BTBD7: variants seen among roughly 807,000 people sequenced by gnomAD.
BTBD7 encodes BTB domain containing 7.
BTBD7 carries 38 observed loss-of-function variants against 99.9 expected under a neutral mutation model. The observed-to-expected ratio is 0.38, with a 90% CI of 0.29 to 0.50. The LOEUF (loss-of-function observed/expected upper bound fraction) is 0.50, where lower values mean the gene tolerates loss of function less well. Ranked by LOEUF, BTBD7 falls within the 20% of genes least tolerant of loss-of-function variation. The pLI is 0.93. For missense variants in BTBD7, 1,170 were observed against 1,394.6 expected, an observed-to-expected ratio of 0.84 and a Z score of 2.57; for synonymous variants, 520 against 511.4, an observed-to-expected ratio of 1.02 and a Z score of -0.23.
intron 8 of BTBD7, among the ~76,000 whole-genome samples, chr14:93,249,620 T>G (rs1220855228): frequency 1.3e-5 from 2 of 152,244 alleles, no homozygotes. Context: ...TTTATTGGAA[T>G]GTAACTGTAC....
At position 93,246,438 on chromosome 14, in the gene BTBD7, A is replaced by G. The variant is rs1407015164; in HGVS notation, c.2122-152T>C. On this transcript the variant is annotated intron_variant, in intron 9 of 10. Transcript: ENST00000334746. ...TATATTTTTCTAGGCCAGAAGCCCA[A>G]GAAAAAAATCACCTTAGTTATAGTA... The G allele has an allele frequency of 4.3e-6, 4 of 940,884 alleles. No homozygotes were observed. The African/African-American group carries it at 6.8e-5, about 16-fold the overall frequency. The allele number at this position is 940,884 out of a possible 1,614,324, so 58.3% of individuals were successfully genotyped here.
rs557319578 is a variant in BTBD7, at chr14:93,332,805, C to G, written c.-107+15G>C. On this transcript the variant is annotated intron_variant, in intron 1 of 10. Transcript: ENST00000334746. ...CCTCGGCTCCACAGCCTCAGAGACA[C>G]CAAGGGACACTCACCCCGGAGGCTC... 9 of 1,476,908 alleles carry G rather than the reference C, an allele frequency of 6.1e-6. No individual in the cohort carries two copies. The highest frequency in any genetic ancestry group is 2.4e-5 in the Admixed American group (1 of 42,358). The allele number at this position is 1,476,908 out of a possible 1,614,324, so 91.5% of individuals were successfully genotyped here. A position where few individuals can be genotyped will look rare whatever the true frequency, so the allele number is the denominator to read the frequency against.
intron 3 of BTBD7, among the ~76,000 whole-genome samples, chr14:93,268,764 T>C (rs529787213): frequency 3.7e-4 from 55 of 150,038 alleles, no homozygotes; most frequent in Non-Finnish European, 6.8e-4. Context: ...ACCTTTTTTT[T>C]TTTTTTTTTT....
chr14:93,244,343 G>A (rs964752660), intron 10 of BTBD7: 8 of 206,616 alleles, frequency 3.9e-5, no homozygotes, highest in Non-Finnish European at 3.9e-5. Context: ...TTTGTTTCAC[G>A]GTAAAGATAA....
rs1164546654 is a variant in BTBD7 at position 93,240,139 on chromosome 14, G to A, written c.*2134C>T. ...CTTTTCTCTTTAAAAAAGGAGCCTC[G>A]AATGCGATGCACAGCCGACCTGCAG... On this transcript the variant is annotated 3_prime_UTR_variant, in exon 11 of 11. Coordinates refer to ENST00000334746, the MANE Select transcript of BTBD7 (RefSeq NM_001002860.4). 1.3e-5 allele frequency: 2 copies of A among 152,374 alleles called. No individual in the cohort carries two copies. The highest frequency in any genetic ancestry group is 2.9e-5 in the Non-Finnish European group (2 of 68,032). 9.4% of individuals were successfully genotyped at this position (152,374 alleles called of 1,614,324 possible).
intron 3 of BTBD7, among the ~76,000 whole-genome samples, chr14:93,276,444 G>T (rs2052656980): frequency 6.6e-6 from 1 of 151,976 alleles, no homozygotes; most frequent in Admixed American, 6.5e-5. Flanking sequence ...GAAGGGTGGG[G>T]GACTCTTTAC....
chr14:93,247,231 T>A (rs549789736), intron 9 of BTBD7, among the ~76,000 whole-genome samples: 1 of 152,214 alleles, frequency 6.6e-6, no homozygotes, highest in African/African-American at 2.4e-5. Flanking sequence ...TTTTGCCATA[T>A]TGCCCAGGCT....
At chr14:93,323,279 T>C (rs1414353581) in intron 1 of BTBD7, among the ~76,000 whole-genome samples, 1 of 152,174 alleles carries the variant, frequency 6.6e-6, no homozygotes, top group Non-Finnish European at 1.5e-5. Flanking sequence ...AATTACTATG[T>C]TAATGTTTAA....
intron 3 of BTBD7, among the ~76,000 whole-genome samples, chr14:93,286,780 C>A (rs2052783358): frequency 6.6e-6 from 1 of 152,094 alleles, no homozygotes; most frequent in African/African-American, 2.4e-5. Context: ...ACAGGATGAC[C>A]AATGGAGATA....
In BTBD7 at chr14:93,253,664, A is replaced by G. The variant is rs770919826; in HGVS notation, c.1735T>C (p.Tyr579His). The stretch of plus-strand genomic sequence containing the variant: ...TTCATTACCTTTGCTTCTTCCACAT[A>G]GGGAGAGAAGAGTCGAGGACGAACA... ...IYVRPRLFSPYVEEAKSVLDE... is the reference protein window; with the variant it reads ...IYVRPRLFSPHVEEAKSVLDE... The change falls in exon 7 of 11, where the codon TAT becomes CAT. Residue 579 changes from tyrosine (Y) to histidine (H), a missense_variant. Around this residue, in one of 4 missense-constraint regions of BTBD7, gnomAD observed 309 missense variants for 342.0 expected, o/e 0.90. Coordinates refer to ENST00000334746, the MANE Select transcript of BTBD7 (RefSeq NM_001002860.4). 1.9e-6 allele frequency: 3 copies of G among 1,609,954 alleles called. No individual in the cohort carries two copies. Among genetic ancestry groups the G allele is most frequent in the Non-Finnish European group, 2.5e-6 (3 of 1,177,004 alleles).
intron 3 of BTBD7, among the ~76,000 whole-genome samples, chr14:93,289,250 G>A (rs781558824): frequency 2.6e-5 from 4 of 152,108 alleles, no homozygotes; most frequent in Non-Finnish European, 5.9e-5. Flanking sequence ...GGGAATACTT[G>A]GCTCACTATA....
rs765870293 is a variant in BTBD7, at chr14:93,264,005, G to A, written c.1163-12C>T. 2.5e-6 allele frequency: 4 copies of A among 1,603,864 alleles called. No homozygotes were observed. Among genetic ancestry groups the A allele is most frequent in the Non-Finnish European group, 3.4e-6 (4 of 1,170,922 alleles). On this transcript the variant is annotated splice_polypyrimidine_tract_variant and intron_variant, in intron 3 of 10. Coordinates refer to ENST00000334746, the MANE Select transcript of BTBD7 (RefSeq NM_001002860.4). ...GATATCCTCACAGCCTAAAAGAGAA[G>A]GCAAATACTTCTTGAGATTAATCAT...
At chr14:93,247,494 C>T (rs1015680457) in intron 9 of BTBD7, among the ~76,000 whole-genome samples, 4 of 152,136 alleles carry the variant, frequency 2.6e-5, no homozygotes, top group Admixed American at 6.5e-5. Context: ...TACAGGCCCA[C>T]GCCACCACAC....
Position 93,242,912 on chromosome 14 carries a change from T to C in BTBD7, c.2760A>G (p.Thr920=), listed in dbSNP as rs1351891177. The change falls in exon 11 of 11, where the codon ACA becomes ACG. Residue 920 remains threonine (T), a synonymous_variant. Transcript: ENST00000334746. ...QHLSCIPQRH[T]HTSRKKHTLE... ...GTGTGTGTTTTTTCCGAGAAGTGTG[T>C]GTATGTCTCTGTGGAATACACGACA... 6 of 1,614,056 alleles carry C rather than the reference T, an allele frequency of 3.7e-6. No homozygotes were observed. Among genetic ancestry groups the C allele is most frequent in the Non-Finnish European group, 4.2e-6 (5 of 1,180,042 alleles).
intron 5 of BTBD7, among the ~76,000 whole-genome samples, chr14:93,259,055 A>G (rs1481939502): frequency 6.6e-6 from 1 of 152,236 alleles, no homozygotes; most frequent in East Asian, 1.9e-4. Flanking sequence ...TGAAGTAGTT[A>G]TAAAGTCAAC....
intron 3 of BTBD7, among the ~76,000 whole-genome samples, chr14:93,277,393 C>T (rs887263418): frequency 1.3e-5 from 2 of 152,214 alleles, no homozygotes; most frequent in Admixed American, 1.3e-4. Context: ...CACATATAGC[C>T]CTCTACTGTA....
At chr14:93,244,037 A>G (rs1414795785) in intron 10 of BTBD7, 2 of 356,664 alleles carry the variant, frequency 5.6e-6, no homozygotes, top group Non-Finnish European at 1.1e-5. Context: ...AACCCATCGG[A>G]CTTTCTGTCA....
chr14:93,311,378 T>A (rs570203925), intron 1 of BTBD7, among the ~76,000 whole-genome samples: 2 of 152,316 alleles, frequency 1.3e-5, no homozygotes, highest in East Asian at 3.9e-4. Context: ...GGTCATTTCC[T>A]TAAAGAAGCC....
At position 93,242,325 on chromosome 14, in the gene BTBD7, C is replaced by T. The variant is rs1215008147; in HGVS notation, c.3347G>A (p.Gly1116Glu). 1 of 1,614,066 alleles carries T rather than the reference C, an allele frequency of 6.2e-7. No individual in the cohort carries two copies. Residue 1116 changes from glycine (G) to glutamate (E), a missense_variant, in exon 11 of 11, where the codon GGA becomes GAA. By Grantham distance (98) the Gly-to-Glu change is moderately conservative. This residue lies in a region of BTBD7 where 495 missense variants were observed against 525.9 expected (regional missense o/e 0.94). Transcript: ENST00000334746. ...DLEREDSISR[G>E]RRSPSKPDFL... ...GTCCGGCTTGCTTGGTGACCTCCTT[C>T]CTCTGCTTATTGAATCTTCCCTTTC...
Sources: gnomAD v4.1 joint callset for allele counts (sites outside exome capture counted in the v4.1 genomes callset) on GRCh38, gnomAD v4.1.1 for gene constraint, gnomAD v4.1.1 regional missense constraint, MANE v1.5 for transcripts, NCBI Gene and HGNC (gene_info 2026-07-23, HGNC 2026-07-21) for gene names.